Variants in SPIN1 observed in about 807,000 individuals in gnomAD.
The protein encoded by SPIN1 is spindlin-1.
SPIN1 carries 3 observed loss-of-function variants against 26.0 expected under a neutral mutation model. That is an observed-to-expected ratio of 0.12 (90% CI 0.05 to 0.30). The LOEUF (loss-of-function observed/expected upper bound fraction) is 0.30, where lower values mean the gene tolerates loss of function less well. SPIN1 is among the 10% of genes least tolerant of loss of function. SPIN1 has a pLI of 1.00. For synonymous variants in SPIN1, 101 were observed against 116.5 expected, an observed-to-expected ratio of 0.87 and a Z score of 0.86; for missense variants, 126 against 333.4, an observed-to-expected ratio of 0.38 and a Z score of 4.84.
intron 3 of SPIN1, among the ~76,000 whole-genome samples, chr9:88,459,454 A>T (rs1479296604): frequency 6.6e-6 from 1 of 152,082 alleles, no homozygotes; most frequent in Non-Finnish European, 1.5e-5. Context: ...TTTATGTTAT[A>T]TATATATATT....
At position 88,392,700 on chromosome 9, in the gene SPIN1, G is replaced by A. The variant is rs145828086; in HGVS notation, c.-159+4162G>A. On this transcript the variant is annotated intron_variant, in intron 1 of 5. Coordinates refer to ENST00000375859, the MANE Select transcript of SPIN1 (RefSeq NM_006717.3). ...TTTCTATCTATCCTCCTTTGTGAGT[G>A]TGTTTATGTATAGCAGGGGACGAGA... Among the ~76,000 whole-genome samples, 133 of 151,804 alleles carry A rather than the reference G, an allele frequency of 8.8e-4. 1 individual carries two copies. The highest frequency in any genetic ancestry group is 3.0e-3 in the African/African-American group (125 of 41,378).
At chr9:88,413,248 G>A (rs1287562987) in intron 1 of SPIN1, among the ~76,000 whole-genome samples, 3 of 150,578 alleles carry the variant, frequency 2.0e-5, no homozygotes, top group Admixed American at 6.6e-5. Context: ...TGTAGAGATG[G>A]GATTTCACCA....
chr9:88,456,414 CTAGATT>C (rs1828473497), intron 3 of SPIN1, among the ~76,000 whole-genome samples: 2 of 152,078 alleles, frequency 1.3e-5, no homozygotes, highest in South Asian at 4.1e-4. Flanking sequence ...AGTAAATAAA[CTAGATT>C]TAGAATACTG....
intron 1 of SPIN1, among the ~76,000 whole-genome samples, chr9:88,425,567 A>C (rs1023897203): frequency 1.3e-5 from 2 of 151,316 alleles, no homozygotes; most frequent in Admixed American, 1.3e-4. Flanking sequence ...AGTTCCAGCT[A>C]CTCCGGAGGC....
intron 1 of SPIN1, among the ~76,000 whole-genome samples, chr9:88,423,628 C>T (rs1045829581): frequency 2.6e-5 from 4 of 151,474 alleles, no homozygotes; most frequent in Admixed American, 6.6e-5. Context: ...TAGTAGAGAC[C>T]GGGTCTCGAA....
chr9:88,444,551 G>A (rs1291975581), intron 2 of SPIN1, among the ~76,000 whole-genome samples: 1 of 151,198 alleles, frequency 6.6e-6, no homozygotes, highest in East Asian at 2.0e-4. Flanking sequence ...CCCCCATTCT[G>A]TTTTTATAAT....
At position 88,413,870 on chromosome 9, in the gene SPIN1, C is replaced by T. The variant is rs548850437; in HGVS notation, c.-158-12512C>T. On this transcript the variant is annotated intron_variant, in intron 1 of 5. Transcript: ENST00000375859. ...AAGTTAATAGGTTTTCACAAGACTGCCCTCACTTTGGATACCAGCTGCAAA... is the reference window on the plus strand; with the variant it reads ...AAGTTAATAGGTTTTCACAAGACTGTCCTCACTTTGGATACCAGCTGCAAA... Among the ~76,000 whole-genome samples, 68 of 152,244 alleles carry T rather than the reference C, an allele frequency of 4.5e-4. 1 individual carries two copies. Among genetic ancestry groups the T allele is most frequent in the African/African-American group, 1.5e-3 (64 of 41,544 alleles).
chr9:88,419,870 C>T lies in SPIN1; in HGVS notation c.-158-6512C>T, dbSNP rs115039302. Among the ~76,000 whole-genome samples, 1,173 of 152,302 alleles carry T rather than the reference C, an allele frequency of 7.7e-3. 17 individuals are homozygous for T. Among genetic ancestry groups the T allele is most frequent in the African/African-American group, 0.026 (1,096 of 41,570 alleles). ...CCAGACTACCAAACTGAGGTGTTATCGGACCTTTCCAGAAATCAGGAGAGA... is the reference window on the plus strand; with the variant it reads ...CCAGACTACCAAACTGAGGTGTTATTGGACCTTTCCAGAAATCAGGAGAGA... On this transcript the variant is annotated intron_variant, in intron 1 of 5. Coordinates refer to ENST00000375859, the MANE Select transcript of SPIN1 (RefSeq NM_006717.3).
At chr9:88,474,995 T>C in intron 5 of SPIN1, 83 bp from the exon 6 acceptor site, 1 of 1,301,248 alleles carries the variant, frequency 7.7e-7, no homozygotes, top group African/African-American at 1.5e-5. Flanking sequence ...TGAAAATAAA[T>C]ATGTGAGTTG....
chr9:88,396,871 G>A (rs1452764031), intron 1 of SPIN1, among the ~76,000 whole-genome samples: 1 of 152,050 alleles, frequency 6.6e-6, no homozygotes, highest in Admixed American at 6.6e-5. Context: ...ACTGAATACT[G>A]TAGACTATTG....
chr9:88,444,412 T>A (rs570817748), intron 2 of SPIN1, among the ~76,000 whole-genome samples: 3 of 151,428 alleles, frequency 2.0e-5, no homozygotes, highest in Non-Finnish European at 2.9e-5. Flanking sequence ...GGCTAATTTT[T>A]TTTGTATTTT....
chr9:88,441,414 T>TGTGTGTGTGTGTGTGTGTGTGCGC lies in SPIN1; in HGVS notation c.53-7526_53-7525insTGTGTGTGTGTGTGTGTGTGCGCG. 1.3e-4 allele frequency among the ~76,000 whole-genome samples: 18 copies of TGTGTGTGTGTGTGTGTGTGTGCGC among 141,264 alleles called. No individual in the cohort carries two copies. In the South Asian group the frequency reaches 1.6e-3, roughly 13 times the overall value. The allele number at this position is 141,264 out of a possible 152,430, so 92.7% of individuals were successfully genotyped here. ...GCTGCCATTCGTGTGTGTGTGTGTG[T>TGTGTGTGTGTGTGTGTGTGTGCGC]GCGCGCGCGCGCGCCCATGTGTGTG... On this transcript the variant is annotated intron_variant, in intron 2 of 5. Coordinates refer to ENST00000375859, the MANE Select transcript of SPIN1 (RefSeq NM_006717.3).
intron 2 of SPIN1, among the ~76,000 whole-genome samples, chr9:88,436,218 C>T (rs1403192815): frequency 6.6e-6 from 1 of 152,150 alleles, no homozygotes; most frequent in Non-Finnish European, 1.5e-5. Context: ...TACAGGTGTG[C>T]TCCACAGCGC....
intron 1 of SPIN1, among the ~76,000 whole-genome samples, chr9:88,423,339 G>C (rs1324196116): frequency 6.6e-6 from 1 of 151,960 alleles, no homozygotes; most frequent in Non-Finnish European, 1.5e-5. Flanking sequence ...TTTTTTTCTT[G>C]ATCTTTGAAG....
chr9:88,389,795 C>G (rs1341847632), intron 1 of SPIN1, among the ~76,000 whole-genome samples: 2 of 152,166 alleles, frequency 1.3e-5, no homozygotes, highest in East Asian at 1.9e-4. Context: ...CTTTCTACAT[C>G]GCTTTTGTTA....
At chr9:88,405,498 A>G (rs1031167483) in intron 1 of SPIN1, among the ~76,000 whole-genome samples, 3 of 141,298 alleles carry the variant, frequency 2.1e-5, no homozygotes, top group African/African-American at 5.3e-5. Context: ...AAGTGCTGGG[A>G]TTACAGTCGT....
chr9:88,389,513 G>T (rs1184706631), intron 1 of SPIN1: 1 of 152,092 alleles, frequency 6.6e-6, no homozygotes, highest in Admixed American at 6.5e-5. Context: ...TATAATTTTT[G>T]AATCAGATTT....
rs1360304915 is a variant in SPIN1, at chr9:88,477,370, ATTAC to A, written c.*2097_*2100del. ...TTGGGTCAATTGAGACATTTCTAGC[ATTAC>A]TTAATGACTTGCATTGTGGTTTTTC... is the stretch of plus-strand genomic sequence containing the variant. On this transcript the variant is annotated 3_prime_UTR_variant, in exon 6 of 6. Transcript: ENST00000375859. 4 of 152,196 alleles carry A rather than the reference ATTAC, an allele frequency of 2.6e-5. No individual in the cohort carries two copies. Among genetic ancestry groups the A allele is most frequent in the Non-Finnish European group, 5.9e-5 (4 of 68,036 alleles). The allele number at this position is 152,196 out of a possible 1,614,324, so 9.4% of individuals were successfully genotyped here.
At chr9:88,396,255 C>A (rs1017881534) in intron 1 of SPIN1, among the ~76,000 whole-genome samples, 1 of 149,976 alleles carries the variant, frequency 6.7e-6, no homozygotes, top group Admixed American at 6.7e-5. Context: ...AAAAAAATTA[C>A]ATTTTTAAAA....
Sources: allele counts gnomAD v4.1 joint callset (sites outside exome capture counted in the v4.1 genomes callset), GRCh38; gene constraint gnomAD v4.1.1; transcripts MANE v1.5; gene names NCBI Gene and HGNC (gene_info 2026-07-23, HGNC 2026-07-21).